Variants in SPOCK1 observed in about 807,000 individuals in gnomAD.
SPOCK1 encodes the protein testican-1.
A neutral mutation model predicts 55.3 loss-of-function variants in SPOCK1; 23 were observed. The observed-to-expected ratio is 0.42, with a 90% CI of 0.30 to 0.59. The LOEUF (loss-of-function observed/expected upper bound fraction) is 0.59. Ranked by LOEUF, SPOCK1 falls within the 20% of genes least tolerant of loss-of-function variation. SPOCK1 has a pLI of 0.22. For synonymous variants in SPOCK1, 226 were observed against 221.0 expected (o/e 1.02, Z -0.20); for missense variants, 499 against 552.5 (o/e 0.90, Z 0.97).
intron 2 of SPOCK1, among the ~76,000 whole-genome samples, chr5:137,488,355 C>T (rs184626197): frequency 1.1e-4 from 17 of 152,074 alleles, no homozygotes; most frequent in South Asian, 2.1e-4. Context: ...CCAGCCTGGG[C>T]GACAGAGCAA....
chr5:137,365,881 T>C (rs367918600), intron 2 of SPOCK1, among the ~76,000 whole-genome samples: 8 of 152,202 alleles, frequency 5.3e-5, no homozygotes, highest in African/African-American at 1.9e-4. Flanking sequence ...TTCAAACATG[T>C]ATTATGTTTG....
At chr5:137,006,501 C>T (rs769009821) in intron 6 of SPOCK1, among the ~76,000 whole-genome samples, 3 of 152,088 alleles carry the variant, frequency 2.0e-5, no homozygotes, top group Admixed American at 6.6e-5. Context: ...ATTTGGTTCT[C>T]TATTATTGGT....
intron 2 of SPOCK1, among the ~76,000 whole-genome samples, chr5:137,271,114 G>T (rs1231677066): frequency 6.6e-6 from 1 of 152,030 alleles, no homozygotes; most frequent in Non-Finnish European, 1.5e-5. Context: ...GTTGGTGTTA[G>T]TGGGAGAGGA....
At chr5:137,216,370 T>C (rs1271573220) in intron 3 of SPOCK1, among the ~76,000 whole-genome samples, 1 of 152,218 alleles carries the variant, frequency 6.6e-6, no homozygotes, top group Non-Finnish European at 1.5e-5. Context: ...ATTATGCTAG[T>C]GATAGCAAAT....
At chr5:137,070,575 C>G (rs909697107) in intron 5 of SPOCK1, among the ~76,000 whole-genome samples, 1 of 152,214 alleles carries the variant, frequency 6.6e-6, no homozygotes, top group African/African-American at 2.4e-5. Context: ...GCTTACCAAT[C>G]TGCCTGCACA....
At chr5:137,294,905 A>T (rs1160467129) in intron 2 of SPOCK1, among the ~76,000 whole-genome samples, 1 of 152,156 alleles carries the variant, frequency 6.6e-6, no homozygotes, top group Non-Finnish European at 1.5e-5. Context: ...GCCCTTTACA[A>T]ATGAATCCTT....
chr5:137,074,534 G>A (rs1051510544), intron 5 of SPOCK1, among the ~76,000 whole-genome samples: 3 of 152,148 alleles, frequency 2.0e-5, no homozygotes, highest in Non-Finnish European at 2.9e-5. Flanking sequence ...TTTGTGTTTT[G>A]AGACTGAGTT....
intron 6 of SPOCK1, among the ~76,000 whole-genome samples, chr5:137,009,499 A>G (rs546712012): frequency 1.3e-5 from 2 of 152,274 alleles, no homozygotes; most frequent in South Asian, 2.1e-4. Flanking sequence ...ATTTGTTTCT[A>G]TGTGCATCAA....
chr5:137,345,828 C>T (rs1474196538), intron 2 of SPOCK1, among the ~76,000 whole-genome samples: 3 of 152,204 alleles, frequency 2.0e-5, no homozygotes, highest in Non-Finnish European at 4.4e-5. Context: ...GAAGCCTCAT[C>T]TCTAAAAAGG....
At chr5:137,018,133 G>A (rs1417676853) in intron 6 of SPOCK1, among the ~76,000 whole-genome samples, 1 of 152,210 alleles carries the variant, frequency 6.6e-6, no homozygotes, top group African/African-American at 2.4e-5. Context: ...CCAGCATCTT[G>A]TGGGTAGAGG....
At chr5:136,996,783 GA>G (rs1210866699) in intron 6 of SPOCK1, among the ~76,000 whole-genome samples, 1 of 152,012 alleles carries the variant, frequency 6.6e-6, no homozygotes. Flanking sequence ...AGGGAGGATT[GA>G]AAAAAGGACA....
intron 2 of SPOCK1, among the ~76,000 whole-genome samples, chr5:137,484,771 A>C (rs547368991): frequency 3.3e-5 from 5 of 152,238 alleles, no homozygotes; most frequent in Admixed American, 6.5e-5. Context: ...AGAATAGGGA[A>C]AAAATAGAAA....
chr5:137,078,897 C>A (rs954596754), intron 5 of SPOCK1, among the ~76,000 whole-genome samples: 1 of 152,292 alleles, frequency 6.6e-6, no homozygotes, highest in Non-Finnish European at 1.5e-5. Flanking sequence ...TCCTGCTATC[C>A]TCAGACAAAA....
chr5:137,135,773 T>C (rs1262808176), intron 4 of SPOCK1, among the ~76,000 whole-genome samples: 3 of 152,222 alleles, frequency 2.0e-5, no homozygotes, highest in Non-Finnish European at 4.4e-5. Context: ...TCTTTCACCC[T>C]GCCTAATTAT....
intron 3 of SPOCK1, among the ~76,000 whole-genome samples, chr5:137,242,009 C>T (rs1217222757): frequency 6.6e-6 from 1 of 152,188 alleles, no homozygotes; most frequent in Non-Finnish European, 1.5e-5. Flanking sequence ...TAGTAAAATA[C>T]TGGGAACAAT....
chr5:137,328,628 T>G (rs1758118261), intron 2 of SPOCK1, among the ~76,000 whole-genome samples: 1 of 152,194 alleles, frequency 6.6e-6, no homozygotes, highest in African/African-American at 2.4e-5. Flanking sequence ...CAAGGCACAA[T>G]GGTAAGTGTT....
chr5:137,486,137 C>A (rs1205651243), intron 2 of SPOCK1, among the ~76,000 whole-genome samples: 3 of 152,200 alleles, frequency 2.0e-5, no homozygotes, highest in African/African-American at 4.8e-5. Flanking sequence ...TATGCACACA[C>A]AAGTTCTGTC....
intron 2 of SPOCK1, among the ~76,000 whole-genome samples, chr5:137,458,047 C>T (rs564416495): frequency 5.3e-5 from 8 of 152,136 alleles, no homozygotes; most frequent in Non-Finnish European, 7.4e-5. Flanking sequence ...TCTTTATGGA[C>T]GACAACATCA....
At chr5:137,227,484 A>G (rs1240237721) in intron 3 of SPOCK1, among the ~76,000 whole-genome samples, 1 of 152,192 alleles carries the variant, frequency 6.6e-6, no homozygotes, top group Non-Finnish European at 1.5e-5. Flanking sequence ...AATCCTGACA[A>G]TCCTCTGGCT....
Sources: allele counts gnomAD v4.1 joint callset (sites outside exome capture counted in the v4.1 genomes callset), GRCh38; gene constraint gnomAD v4.1.1; transcripts MANE v1.5; gene names NCBI Gene and HGNC (gene_info 2026-07-23, HGNC 2026-07-21).